Variants in CAST observed in about 807,000 individuals in gnomAD.
CAST encodes the protein MIR583 host.
A neutral mutation model predicts 119.6 loss-of-function variants in CAST; 76 were observed. The observed-to-expected ratio is 0.64, with a 90% CI of 0.53 to 0.77. The LOEUF is 0.77. CAST is among the 30% of genes least tolerant of loss of function. The pLI is 0.00. For synonymous variants in CAST, 319 were observed against 331.6 expected, an observed-to-expected ratio of 0.96 and a Z score of 0.41; for missense variants, 953 against 946.5, an observed-to-expected ratio of 1.01 and a Z score of -0.09.
At chr5:96,486,483 A>G in the CAST span, among the ~76,000 whole-genome samples, 2 of 152,164 alleles carry the variant, frequency 1.3e-5, no homozygotes, top group Admixed American at 1.3e-4. Flanking sequence ...ATGAGCAGAA[A>G]CAACCAAACC....
At chr5:96,758,521 T>C (rs1215509172) in intron 24 of CAST, among the ~76,000 whole-genome samples, 2 of 152,212 alleles carry the variant, frequency 1.3e-5, no homozygotes, top group Admixed American at 6.5e-5. Context: ...AACCACTGAA[T>C]GTATTATTAG....
chr5:96,105,588 C>G, the CAST span, among the ~76,000 whole-genome samples: 2 of 152,254 alleles, frequency 1.3e-5, no homozygotes, highest in Non-Finnish European at 2.9e-5. Context: ...ATGAAGCCCA[C>G]TTGATCATGG....
At chr5:96,213,809 A>T in the CAST span, 1 of 152,162 alleles carries the variant, frequency 6.6e-6, no homozygotes, top group East Asian at 1.9e-4. Flanking sequence ...AAAAAAAAAT[A>T]TTAAAAGGTC....
chr5:96,031,416 ATG>A, the CAST span, among the ~76,000 whole-genome samples: 1 of 152,106 alleles, frequency 6.6e-6, no homozygotes, highest in Non-Finnish European at 1.5e-5. Flanking sequence ...TTGTCATCTA[ATG>A]CTTTATGTCA....
At chr5:96,634,481 A>G (rs1561436398) in intron 1 of CAST, among the ~76,000 whole-genome samples, 1 of 152,222 alleles carries the variant, frequency 6.6e-6, no homozygotes, top group Non-Finnish European at 1.5e-5. Context: ...CTTAAACTTC[A>G]GATGAACTGA....
chr5:96,637,620 C>T (rs1747902544), intron 1 of CAST, among the ~76,000 whole-genome samples: 1 of 152,190 alleles, frequency 6.6e-6, no homozygotes, highest in African/African-American at 2.4e-5. Context: ...TATCATGTTA[C>T]CAACTCTTAA....
chr5:96,743,708 A>G (rs942174936), intron 16 of CAST: 2 of 1,610,542 alleles, frequency 1.2e-6, no homozygotes, highest in Non-Finnish European at 1.7e-6. Context: ...CGGTGAACGC[A>G]GAGGAGCAAG....
At chr5:96,737,703 A>G (rs1761943100) in intron 10 of CAST, 146 bp from the exon 11 acceptor site, 4 of 533,124 alleles carry the variant, frequency 7.5e-6, no homozygotes, top group South Asian at 7.1e-5. Flanking sequence ...TCTGTTAAAG[A>G]CCAGATTTTA....
At chr5:96,483,161 C>A in the CAST span, among the ~76,000 whole-genome samples, 1 of 152,048 alleles carries the variant, frequency 6.6e-6, no homozygotes, top group Admixed American at 6.6e-5. Flanking sequence ...CATAAATTTC[C>A]ATTGAAATGT....
chr5:96,455,525 C>G, the CAST span, among the ~76,000 whole-genome samples: 2 of 152,190 alleles, frequency 1.3e-5, no homozygotes, highest in Non-Finnish European at 2.9e-5. Flanking sequence ...AGCAGGAAAT[C>G]CATTTGCTAC....
the CAST span, among the ~76,000 whole-genome samples, chr5:96,430,612 C>T: frequency 6.6e-6 from 1 of 152,058 alleles, no homozygotes; most frequent in Non-Finnish European, 1.5e-5. Flanking sequence ...TATAGTAATG[C>T]TAAATTAGTG....
At chr5:96,353,735 C>G in the CAST span, among the ~76,000 whole-genome samples, 1 of 151,390 alleles carries the variant, frequency 6.6e-6, no homozygotes, top group East Asian at 1.9e-4. Flanking sequence ...TTCTCCTTCC[C>G]CTACCCAAGG....
At chr5:96,425,006 AG>A in the CAST span, among the ~76,000 whole-genome samples, 2 of 125,018 alleles carry the variant, frequency 1.6e-5, no homozygotes, top group South Asian at 2.6e-4. Flanking sequence ...AGAGAAAGAA[AG>A]AAAAGAAAGA....
the CAST span, among the ~76,000 whole-genome samples, chr5:96,082,508 GA>G: frequency 6.6e-6 from 1 of 152,134 alleles, no homozygotes; most frequent in Non-Finnish European, 1.5e-5. Context: ...TGAAAATGAA[GA>G]TTTTTCTCTT....
the CAST span, among the ~76,000 whole-genome samples, chr5:96,337,815 A>G: frequency 1.8e-4 from 28 of 152,328 alleles, no homozygotes; most frequent in African/African-American, 5.8e-4. Flanking sequence ...CAATGGTTTT[A>G]CTTCTCTCTT....
the CAST span, among the ~76,000 whole-genome samples, chr5:96,271,488 C>T: frequency 1.3e-5 from 2 of 151,432 alleles, no homozygotes; most frequent in African/African-American, 4.9e-5. Flanking sequence ...GCATCAAAGA[C>T]ATACAATGGA....
the CAST span, among the ~76,000 whole-genome samples, chr5:96,301,574 T>C: frequency 6.6e-6 from 1 of 152,082 alleles, no homozygotes; most frequent in Admixed American, 6.5e-5. Context: ...CAAGATACAA[T>C]GGGGGTACAG....
At chr5:96,256,742 T>C in the CAST span, among the ~76,000 whole-genome samples, 1 of 152,136 alleles carries the variant, frequency 6.6e-6, no homozygotes, top group African/African-American at 2.4e-5. Context: ...TGACTATATA[T>C]AAATACATGA....
chr5:96,259,743 T>C, the CAST span, among the ~76,000 whole-genome samples: 7 of 152,098 alleles, frequency 4.6e-5, no homozygotes, highest in Admixed American at 2.6e-4. Flanking sequence ...TCCTCTAACA[T>C]TTTAGAGGTC....
Sources: allele counts gnomAD v4.1 joint callset (sites outside exome capture counted in the v4.1 genomes callset), GRCh38; gene constraint gnomAD v4.1.1; transcripts MANE v1.5; gene names NCBI Gene and HGNC (gene_info 2026-07-23, HGNC 2026-07-21).